Variants in ABHD17C observed in about 807,000 individuals in gnomAD.
ABHD17C encodes the protein alpha/beta hydrolase domain-containing protein 17C.
A neutral mutation model predicts 27.9 loss-of-function variants in ABHD17C; 11 were observed. That is an observed-to-expected ratio of 0.39 (90% confidence interval 0.25 to 0.65). The LOEUF is 0.65. Ranked by LOEUF, ABHD17C falls within the 30% of genes least tolerant of loss-of-function variation. ABHD17C has a pLI of 0.45. For missense variants in ABHD17C, 280 were observed against 470.2 expected, an observed-to-expected ratio of 0.60 and a Z score of 3.74; for synonymous variants, 233 against 209.1, an observed-to-expected ratio of 1.11 and a Z score of -0.98.
intron 1 of ABHD17C, among the ~76,000 whole-genome samples, chr15:80,718,038 A>T (rs1219695316): frequency 6.6e-6 from 1 of 152,202 alleles, no homozygotes; most frequent in Admixed American, 6.5e-5. Context: ...TGAAAAATAA[A>T]TAAATAGTTA....
At chr15:80,702,839 T>G (rs1894592541) in intron 1 of ABHD17C, 1 of 152,192 alleles carries the variant, frequency 6.6e-6, no homozygotes, top group Admixed American at 6.5e-5. Context: ...GCTTTTTTTT[T>G]GTTAGGGCTG....
At chr15:80,733,595 C>G (rs1895085606) in intron 1 of ABHD17C, among the ~76,000 whole-genome samples, 1 of 152,128 alleles carries the variant, frequency 6.6e-6, no homozygotes, top group African/African-American at 2.4e-5. Context: ...GTTCTCTATC[C>G]CCAGTAAGTC....
At chr15:80,719,191 C>T (rs1245113603) in intron 1 of ABHD17C, among the ~76,000 whole-genome samples, 2 of 152,182 alleles carry the variant, frequency 1.3e-5, no homozygotes, top group East Asian at 3.8e-4. Context: ...AGAGCCATCC[C>T]TCTTCCTCTT....
chr15:80,707,440 G>C (rs1208354720), intron 1 of ABHD17C, among the ~76,000 whole-genome samples: 1 of 152,064 alleles, frequency 6.6e-6, no homozygotes, highest in African/African-American at 2.4e-5. Flanking sequence ...AGAAGTAATT[G>C]TTTTCTTCTT....
At chr15:80,751,288 A>C (rs1895362126) in intron 2 of ABHD17C, among the ~76,000 whole-genome samples, 1 of 152,026 alleles carries the variant, frequency 6.6e-6, no homozygotes. Context: ...TGAACCCAGG[A>C]GGCGGAGGTT....
At chr15:80,721,317 C>G (rs1160509992) in intron 1 of ABHD17C, among the ~76,000 whole-genome samples, 2 of 151,384 alleles carry the variant, frequency 1.3e-5, no homozygotes, top group African/African-American at 4.9e-5. Flanking sequence ...TTTTTAAGCC[C>G]TATATGCTGG....
intron 1 of ABHD17C, among the ~76,000 whole-genome samples, chr15:80,709,610 CT>C (rs1010874875): frequency 6.6e-6 from 1 of 152,146 alleles, no homozygotes; most frequent in African/African-American, 2.4e-5. Context: ...TTCTTTACCC[CT>C]GGATCTCCTG....
At chr15:80,721,770 T>C (rs1443458535) in intron 1 of ABHD17C, among the ~76,000 whole-genome samples, 2 of 152,074 alleles carry the variant, frequency 1.3e-5, no homozygotes, top group African/African-American at 4.8e-5. Context: ...CAAGAGGAAA[T>C]TTGGCTGGGG....
At chr15:80,752,775 T>G (rs1046619900) in intron 2 of ABHD17C, among the ~76,000 whole-genome samples, 8 of 152,230 alleles carry the variant, frequency 5.3e-5, no homozygotes, top group African/African-American at 1.9e-4. Context: ...TTGATTTATT[T>G]GTGGATGAAA....
intron 1 of ABHD17C, chr15:80,702,541 TAG>T (rs1894588514): frequency 6.6e-6 from 1 of 152,218 alleles, no homozygotes; most frequent in African/African-American, 2.4e-5. Flanking sequence ...TGAGATTACT[TAG>T]AGTTTCCCTT....
chr15:80,748,029 G>A (rs1263390772), intron 1 of ABHD17C, among the ~76,000 whole-genome samples: 1 of 152,114 alleles, frequency 6.6e-6, no homozygotes, highest in Admixed American at 6.5e-5. Flanking sequence ...TTGGGTATGC[G>A]TTGCACGTCT....
intron 2 of ABHD17C, among the ~76,000 whole-genome samples, chr15:80,753,837 T>C (rs574758027): frequency 2.0e-5 from 3 of 152,354 alleles, no homozygotes; most frequent in East Asian, 1.9e-4. Flanking sequence ...CAAACTGTTA[T>C]GATATGTTAA....
intron 1 of ABHD17C, among the ~76,000 whole-genome samples, chr15:80,742,516 G>A (rs1283848435): frequency 6.6e-6 from 1 of 152,176 alleles, no homozygotes; most frequent in Admixed American, 6.5e-5. Flanking sequence ...ATTAGATGAT[G>A]CTTTCTTTAC....
chr15:80,721,915 T>C (rs1362589945), intron 1 of ABHD17C, among the ~76,000 whole-genome samples: 1 of 152,140 alleles, frequency 6.6e-6, no homozygotes, highest in Non-Finnish European at 1.5e-5. Flanking sequence ...ACTAAAAGTC[T>C]TAGCTCACCC....
chr15:80,717,232 A>G (rs1894815374), intron 1 of ABHD17C, among the ~76,000 whole-genome samples: 2 of 145,496 alleles, frequency 1.4e-5, no homozygotes, highest in African/African-American at 5.1e-5. Flanking sequence ...TATCAGCCAG[A>G]GGCCAGTGAG....
At chr15:80,739,012 C>T (rs896164956) in intron 1 of ABHD17C, among the ~76,000 whole-genome samples, 3 of 152,042 alleles carry the variant, frequency 2.0e-5, no homozygotes, top group Non-Finnish European at 4.4e-5. Flanking sequence ...TTGAGGGATG[C>T]CAACCTGTTG....
intron 1 of ABHD17C, among the ~76,000 whole-genome samples, chr15:80,716,610 C>T (rs1022067104): frequency 6.6e-6 from 1 of 152,046 alleles, no homozygotes; most frequent in Non-Finnish European, 1.5e-5. Flanking sequence ...CCCTAGTTCT[C>T]GGTTGTCATT....
intron 1 of ABHD17C, among the ~76,000 whole-genome samples, chr15:80,732,287 A>G (rs563515171): frequency 1.3e-4 from 20 of 152,146 alleles, no homozygotes; most frequent in Non-Finnish European, 2.2e-4. Flanking sequence ...TGTGCAGACT[A>G]CCTCAATTCA....
At chr15:80,747,193 A>G (rs1895299812) in intron 1 of ABHD17C, among the ~76,000 whole-genome samples, 1 of 152,172 alleles carries the variant, frequency 6.6e-6, no homozygotes, top group South Asian at 2.1e-4. Context: ...AAATGTGGAA[A>G]TTGGAGGCTC....
Sources: gnomAD v4.1 joint callset for allele counts (sites outside exome capture counted in the v4.1 genomes callset) on GRCh38, gnomAD v4.1.1 for gene constraint, MANE v1.5 for transcripts, NCBI Gene and HGNC (gene_info 2026-07-23, HGNC 2026-07-21) for gene names.